FBXO17: variants seen among roughly 807,000 people sequenced by gnomAD.
FBXO17 encodes the protein F-box only protein 17.
In FBXO17, 43 loss-of-function variants were observed where a neutral mutation model predicts 34.1. The ratio of observed to expected loss-of-function variants is 1.26; its 90% CI spans 0.99 to 1.62. FBXO17 has a LOEUF of 1.62. Ranked by LOEUF, FBXO17 falls within the 40% of genes most tolerant of loss-of-function variation. The probability of loss-of-function intolerance (pLI) is 0.00; values close to 1 mark genes in which losing one functional copy is unlikely to be tolerated. For missense variants in FBXO17, 424 were observed against 386.7 expected (o/e 1.10, Z -0.81); for synonymous variants, 169 against 166.0 (o/e 1.02, Z -0.14).
chr19:38,968,585 C>T (rs1975350741), intron 1 of FBXO17, among the ~76,000 whole-genome samples: 1 of 152,020 alleles, frequency 6.6e-6, no homozygotes, highest in Non-Finnish European at 1.5e-5. Context: ...TGAAAATACA[C>T]CTTCTACCTC....
At chr19:38,944,256 C>CTATTATTATTATTATTATT (rs372620194) in intron 5 of FBXO17, among the ~76,000 whole-genome samples, 3 of 146,528 alleles carry the variant, frequency 2.0e-5, no homozygotes, top group African/African-American at 7.6e-5. Flanking sequence ...TGATCTGACT[C>CTATTATTATTATTATTATT]ATTATTATTA....
intron 1 of FBXO17, among the ~76,000 whole-genome samples, chr19:38,964,758 C>A (rs1975298091): frequency 6.6e-6 from 1 of 151,862 alleles, no homozygotes; most frequent in African/African-American, 2.4e-5. Flanking sequence ...CAGAGTGAGA[C>A]CCCATTTCAA....
At chr19:38,944,001 A>G (rs535460178) in intron 5 of FBXO17, among the ~76,000 whole-genome samples, 56 of 152,268 alleles carry the variant, frequency 3.7e-4, no homozygotes, top group Non-Finnish European at 7.1e-4. Context: ...CTCTGCATCC[A>G]TGAGCTGTCA....
chr19:38,967,221 GCTGAGGCAGGTGGATCAC>G (rs1975332628), intron 1 of FBXO17, among the ~76,000 whole-genome samples: 2 of 152,166 alleles, frequency 1.3e-5, no homozygotes, highest in Non-Finnish European at 2.9e-5. Flanking sequence ...ACTTTGGGAG[GCTGAGGCAGGTGGATCAC>G]CTGAGGTCAG....
chr19:38,942,547 A>C lies in FBXO17; in HGVS notation c.*61T>G, dbSNP rs1600185119. ...GAAGTGCTGGGATTCCACAGGTGTG[A>C]GCCACTGCACCTGGCTGCAAGGCTG... On this transcript the variant is annotated 3_prime_UTR_variant, in exon 6 of 6. Transcript: ENST00000292852. 4.8e-6 allele frequency: 7 copies of C among 1,467,024 alleles called. No individual in the cohort carries two copies. The East Asian group carries it at 1.9e-4, about 39-fold the overall frequency. The allele number at this position is 1,467,024 out of a possible 1,614,324, so 90.9% of individuals were successfully genotyped here.
Position 38,947,051 on chromosome 19 carries a change from T to C in FBXO17, c.462-484A>G, listed in dbSNP as rs146548951. On this transcript the variant is annotated intron_variant, in intron 3 of 5. Coordinates refer to ENST00000292852, the MANE Select transcript of FBXO17 (RefSeq NM_024907.7). ...AGGTCCTTCTCAAGGGACTGCCTTG[T>C]CCCCCAAGGAAAAAGCAAATCTCCA... The C allele has an allele frequency of 2.6e-4, 41 of 158,994 alleles. No individual in the cohort carries two copies. The East Asian group carries it at 7.4e-3, about 29-fold the overall frequency. 9.8% of individuals were successfully genotyped at this position (158,994 alleles called of 1,614,324 possible).
rs765046009 is a variant in FBXO17 at position 38,950,234 on chromosome 19, A to T, written c.86T>A (p.Val29Glu). 9 of 1,534,150 alleles carry T rather than the reference A, an allele frequency of 5.9e-6. No individual in the cohort carries two copies. The East Asian group carries it at 2.3e-4, about 39-fold the overall frequency. Residue 29 changes from valine (V) to glutamate (E), a missense_variant, in exon 2 of 6, where the codon GTG becomes GAG. Val to Glu is a moderately radical substitution (Grantham distance 121). Coordinates refer to ENST00000292852, the MANE Select transcript of FBXO17 (RefSeq NM_024907.7). ...GGAGCGTGGCGGCACGTGGCTCAGC[A>T]CCTGCACCAGCAGCTCCGGGGGCAG... ...DALPPELLVQ[V>E]LSHVPPRSLV...
intron 1 of FBXO17, among the ~76,000 whole-genome samples, chr19:38,959,623 GC>G (rs1457422007): frequency 1.3e-5 from 2 of 151,906 alleles, no homozygotes; most frequent in South Asian, 2.1e-4. Flanking sequence ...GGGTACCATG[GC>G]TTATGCATGT....
chr19:38,949,704 CTCTGCATACCA>C, intron 2 of FBXO17: 1 of 570,460 alleles, frequency 1.8e-6, no homozygotes, highest in Non-Finnish European at 3.1e-6. Flanking sequence ...TCTGCATCCC[CTCTGCATACCA>C]AACTACTTGC....
intron 5 of FBXO17, among the ~76,000 whole-genome samples, chr19:38,943,419 G>A (rs182915357): frequency 0.012 from 1,813 of 150,740 alleles, 20 homozygotes; most frequent in Non-Finnish European, 0.02. Context: ...GATTACAGGC[G>A]CGCACCACCA....
chr19:38,961,810 GC>G (rs1170652156), intron 1 of FBXO17, among the ~76,000 whole-genome samples: 1 of 151,728 alleles, frequency 6.6e-6, no homozygotes. Context: ...TTACAGGTGC[GC>G]ACCACCACAC....
intron 1 of FBXO17, among the ~76,000 whole-genome samples, chr19:38,966,126 C>T (rs1463648061): frequency 6.0e-5 from 9 of 150,982 alleles, no homozygotes; most frequent in African/African-American, 1.2e-4. Context: ...CGCACTACCA[C>T]GCCCGGCTAA....
At chr19:38,956,209 T>G (rs1452523901) in intron 1 of FBXO17, among the ~76,000 whole-genome samples, 1 of 148,430 alleles carries the variant, frequency 6.7e-6, no homozygotes, top group Admixed American at 6.8e-5. Flanking sequence ...GAGGTTGCAG[T>G]GAGCTGAGAT....
At chr19:38,962,106 T>TAAAA (rs71167604) in intron 1 of FBXO17, among the ~76,000 whole-genome samples, 2 of 92,498 alleles carry the variant, frequency 2.2e-5, no homozygotes, top group Non-Finnish European at 4.1e-5. Flanking sequence ...GGGACGCTGT[T>TAAAA]AAAAAAAAAA....
At chr19:38,966,293 T>TGTGTGTG (rs1975319597) in intron 1 of FBXO17, among the ~76,000 whole-genome samples, 1 of 142,942 alleles carries the variant, frequency 7.0e-6, no homozygotes, top group South Asian at 2.3e-4. Context: ...ATTAAAAATT[T>TGTGTGTG]TGTGTGTGTG....
At chr19:38,946,867 C>T (rs893378601) in intron 3 of FBXO17, 50 of 374,790 alleles carry the variant, frequency 1.3e-4, no homozygotes, top group Middle Eastern at 7.4e-4. Context: ...GACATGTGAG[C>T]GGGGAGCTCT....
intron 1 of FBXO17, among the ~76,000 whole-genome samples, chr19:38,962,558 G>A (rs925924089): frequency 7.2e-5 from 11 of 152,078 alleles, no homozygotes; most frequent in Non-Finnish European, 8.8e-5. Flanking sequence ...TACTGGTGCC[G>A]CACCATAGGG....
Position 38,950,027 on chromosome 19 carries a change from C to T in FBXO17, c.293G>A (p.Arg98His), listed in dbSNP as rs1280553014. 3 of 1,563,496 alleles carry T rather than the reference C, an allele frequency of 1.9e-6. No individual in the cohort carries two copies. The highest frequency in any genetic ancestry group is 1.4e-5 in the African/African-American group (1 of 73,554). ...KEEFPLCALA[R>H]YCLRAPFGRN... Reference sequence around the variant, plus strand: ...GCCGAAGGGCGCGCGCAGACAGTAGCGCGCCAGGGCGCACAGCGGGAACTC... The same window carrying T: ...GCCGAAGGGCGCGCGCAGACAGTAGTGCGCCAGGGCGCACAGCGGGAACTC... The change falls in exon 2 of 6, where the codon CGC (arginine) becomes CAC (histidine). Residue 98 changes from arginine (R) to histidine (H), a missense_variant. Arg to His is a conservative substitution (Grantham distance 29). Coordinates refer to ENST00000292852, the MANE Select transcript of FBXO17 (RefSeq NM_024907.7).
At position 38,950,016 on chromosome 19, in the gene FBXO17, GCA is replaced by G. The variant is rs1182851086; in HGVS notation, c.302_303del (p.Leu101ProfsTer79). The G allele has an allele frequency of 5.8e-6, 9 of 1,560,032 alleles. No homozygotes were observed. Among genetic ancestry groups the G allele is most frequent in the Non-Finnish European group, 6.9e-6 (8 of 1,153,970 alleles). On this transcript the variant is annotated frameshift_variant, in exon 2 of 6. Coordinates refer to ENST00000292852, the MANE Select transcript of FBXO17 (RefSeq NM_024907.7). LOFTEE classifies it high-confidence loss of function. ...ATGAGATTGCGGCCGAAGGGCGCGC[GCA>G]GACAGTAGCGCGCCAGGGCGCACAG... Reference protein sequence around the residue: ...FPLCALARYCLRAPFGRNLIF... With the variant: ...FPLCALARYCXRAPFGRNLIF...
Sources: allele counts gnomAD v4.1 joint callset (sites outside exome capture counted in the v4.1 genomes callset), GRCh38; gene constraint gnomAD v4.1.1; transcripts MANE v1.5; gene names NCBI Gene and HGNC (gene_info 2026-07-23, HGNC 2026-07-21).